The following UGT2B28 variants were observed in gnomAD, a reference collection of about 807,000 sequenced individuals.
UGT2B28 encodes UDP glucuronosyltransferase family 2 member B28.
UGT2B28 carries 45 observed loss-of-function variants against 43.6 expected under a neutral mutation model. The ratio of observed to expected loss-of-function variants is 1.03; its 90% CI spans 0.81 to 1.32. UGT2B28 has a LOEUF of 1.32. Ranked by LOEUF, UGT2B28 falls within the 40% of genes most tolerant of loss-of-function variation. The pLI is 0.00. For synonymous variants in UGT2B28, 204 were observed against 208.1 expected (o/e 0.98, Z 0.17); for missense variants, 649 against 625.5 (o/e 1.04, Z -0.40).
At position 69,285,177 on chromosome 4, in the gene UGT2B28, C is replaced by G. The variant is rs1312918954; in HGVS notation, c.871-1575C>G. ...GTATATACAATAAGATTGAAATTTT[C>G]TAAATAAGTGTCACATGTATACATT... On this transcript the variant is annotated intron_variant, in intron 2 of 5. Transcript: ENST00000335568. Among the ~76,000 whole-genome samples the G allele has an allele frequency of 1.4e-5, 2 of 138,892 alleles. 1 individual carries two copies. The highest frequency in any genetic ancestry group is 1.4e-4 in the Admixed American group (2 of 13,816). The allele number at this position is 138,892 out of a possible 152,430, so 91.1% of individuals were successfully genotyped here.
chr4:69,286,177 A>G (rs1462635485), intron 2 of UGT2B28, among the ~76,000 whole-genome samples: 1 of 141,446 alleles, frequency 7.1e-6, no homozygotes, highest in East Asian at 2.0e-4. Context: ...AAACTACTGG[A>G]AAACTCTGAC....
Position 69,281,039 on chromosome 4 carries a change from T to G in UGT2B28, c.539T>G (p.Ile180Ser). 6.4e-7 allele frequency: 1 copy of G among 1,559,384 alleles called. No homozygotes were observed. The highest frequency in any genetic ancestry group is 8.7e-7 in the Non-Finnish European group (1 of 1,155,302). Residue 180 changes from isoleucine to serine, a missense_variant, in exon 1 of 6, where the codon ATT (isoleucine) becomes AGT (serine). Transcript: ENST00000335568. ...CTCTGCTTCACTCCTGGCTACACAA[T>G]TGAAAGGCACAGTGGAGGACTGATT... The part of the protein sequence containing the change: ...YSLCFTPGYT[I>S]ERHSGGLIFP...
chr4:69,293,545 G>T lies in UGT2B28; in HGVS notation c.1311-985G>T, dbSNP rs1306419747. ...CTCCATCACAGTTTGGCCAATAAAA[G>T]CCTCTCTTAGAGGTAACACTTAGAG... On this transcript the variant is annotated intron_variant, in intron 5 of 5. Coordinates refer to ENST00000335568, the MANE Select transcript of UGT2B28 (RefSeq NM_053039.2). 2.9e-5 allele frequency among the ~76,000 whole-genome samples: 4 copies of T among 140,254 alleles called. 1 individual carries two copies. Among genetic ancestry groups the T allele is most frequent in the Non-Finnish European group, 6.1e-5 (4 of 65,826 alleles). 92.0% of individuals were successfully genotyped at this position (140,254 alleles called of 152,430 possible).
At position 69,280,693 on chromosome 4, in the gene UGT2B28, G is replaced by T; in HGVS notation, c.193G>T (p.Asp65Tyr). 6.4e-7 allele frequency: 1 copy of T among 1,560,424 alleles called. No homozygotes were observed. The stretch of plus-strand genomic sequence containing the variant: ...GGCATCTTCAGCTTCCATTCTTTTT[G>T]ATCCCAATGACGCATTCACTCTTAA... ...VLASSASILF[D>Y]PNDAFTLKLE... is the part of the protein sequence containing the mutation. Residue 65 changes from aspartate (D) to tyrosine (Y), a missense_variant, in exon 1 of 6, where the codon GAT (aspartate) becomes TAT (tyrosine). Asp to Tyr is a radical substitution (Grantham distance 160). Coordinates refer to ENST00000335568, the MANE Select transcript of UGT2B28 (RefSeq NM_053039.2).
chr4:69,289,005 G>A (rs1723862786), intron 3 of UGT2B28, among the ~76,000 whole-genome samples: 1 of 140,062 alleles, frequency 7.1e-6, no homozygotes, highest in Non-Finnish European at 1.5e-5. Context: ...GGTCATTTAG[G>A]TTGACTGCAT....
In UGT2B28 at chr4:69,288,890, G is replaced by A. The variant is rs1452946257; in HGVS notation, c.1003-775G>A. 5.7e-5 allele frequency among the ~76,000 whole-genome samples: 8 copies of A among 140,214 alleles called. 2 individuals carry two copies. The highest frequency in any genetic ancestry group is 5.7e-4 in the Admixed American group (8 of 14,024). 92.0% of individuals were successfully genotyped at this position (140,214 alleles called of 152,430 possible). A position where few individuals can be genotyped will look rare whatever the true frequency, so the allele number is the denominator to read the frequency against. ...AGTTTCCTAAGGCTAATGGCCTCCAGCTCCATCCTTATCCCTGCAAAATAC... is the reference window on the plus strand; with the variant it reads ...AGTTTCCTAAGGCTAATGGCCTCCAACTCCATCCTTATCCCTGCAAAATAC... On this transcript the variant is annotated intron_variant, in intron 3 of 5. Transcript: ENST00000335568.
Position 69,285,033 on chromosome 4 carries a change from C to T in UGT2B28, c.871-1719C>T, listed in dbSNP as rs533813834. 2.7e-4 allele frequency among the ~76,000 whole-genome samples: 38 copies of T among 139,486 alleles called. 5 individuals carry two copies. Among genetic ancestry groups the T allele is most frequent in the African/African-American group, 5.9e-4 (21 of 35,698 alleles). 91.5% of individuals were successfully genotyped at this position (139,486 alleles called of 152,430 possible). A position where few individuals can be genotyped will look rare whatever the true frequency, so the allele number is the denominator to read the frequency against. ...AGAATGATTAAAATTTATTTGCATA[C>T]GATAGCATTAAAATAATTTTATCAA... On this transcript the variant is annotated intron_variant, in intron 2 of 5. Transcript: ENST00000335568.
Position 69,294,649 on chromosome 4 carries a change from G to T in UGT2B28, c.1430G>T (p.Arg477Leu), listed in dbSNP as rs373902503. The change falls in exon 6 of 6, where the codon CGA becomes CTA. Residue 477 changes from arginine (R) to leucine (L), a missense_variant. Arg to Leu is a moderately radical substitution (Grantham distance 102). Transcript: ENST00000335568. ...VMCHKGAKHL[R>L]VAARDLTWFQ... The stretch of plus-strand genomic sequence containing the variant: ...TGCCACAAAGGAGCCAAACACCTTC[G>T]AGTTGCAGCCCGTGACCTCACCTGG... 9.0e-6 allele frequency: 14 copies of T among 1,559,782 alleles called. 3 individuals are homozygous for T. The South Asian group carries it at 1.7e-4, about 18-fold the overall frequency.
At chr4:69,294,008 C>T (rs1411311202) in intron 5 of UGT2B28, among the ~76,000 whole-genome samples, 2 of 140,586 alleles carry the variant, frequency 1.4e-5, no homozygotes, top group Admixed American at 7.1e-5. Flanking sequence ...TGATAATTCT[C>T]ACATCGCATT....
At position 69,281,062 on chromosome 4, in the gene UGT2B28, A is replaced by G. The variant is rs879922056; in HGVS notation, c.562A>G (p.Ile188Val). 7.1e-6 allele frequency: 11 copies of G among 1,559,338 alleles called. 2 individuals carry two copies. Among genetic ancestry groups the G allele is most frequent in the Non-Finnish European group, 9.5e-6 (11 of 1,155,346 alleles). Residue 188 changes from isoleucine (I) to valine (V), a missense_variant, in exon 1 of 6, where the codon ATT (isoleucine) becomes GTT (valine). Physicochemically the swap from Ile to Val is conservative, Grantham distance 29. Coordinates refer to ENST00000335568, the MANE Select transcript of UGT2B28 (RefSeq NM_053039.2). ...AATTGAAAGGCACAGTGGAGGACTGATTTTCCCTCCTTCCTACATACCTGT... is the reference window on the plus strand; with the variant it reads ...AATTGAAAGGCACAGTGGAGGACTGGTTTTCCCTCCTTCCTACATACCTGT... ...YTIERHSGGL[I>V]FPPSYIPVVM...
At chr4:69,291,616 T>C (rs867161308) in intron 5 of UGT2B28, among the ~76,000 whole-genome samples, 1 of 141,106 alleles carries the variant, frequency 7.1e-6, no homozygotes, top group Non-Finnish European at 1.5e-5. Flanking sequence ...AGTATGGATA[T>C]GTCATAATTT....
chr4:69,290,812 G>A lies in UGT2B28; in HGVS notation c.1310+1G>A, dbSNP rs759599479. On this transcript the variant is annotated splice_donor_variant, in intron 5 of 5. Coordinates refer to ENST00000335568, the MANE Select transcript of UGT2B28 (RefSeq NM_053039.2). LOFTEE classifies it high-confidence loss of function. The stretch of plus-strand genomic sequence containing the variant: ...TGAAGACAGTAATTAATGATCCTTC[G>A]TGAGTAGAACAGTATTTTTCACTAG... 60 of 1,558,356 alleles carry A rather than the reference G, an allele frequency of 3.9e-5. 7 individuals carry two copies. The highest frequency in any genetic ancestry group is 2.4e-4 in the South Asian group (20 of 84,172).
chr4:69,289,162 C>T (rs1723869248), intron 3 of UGT2B28, among the ~76,000 whole-genome samples: 1 of 139,410 alleles, frequency 7.2e-6, no homozygotes. Flanking sequence ...TGAGGAATGG[C>T]CACACTGTCT....
At position 69,281,693 on chromosome 4, in the gene UGT2B28, C is replaced by T. The variant is rs972071970; in HGVS notation, c.721+472C>T. Among the ~76,000 whole-genome samples the T allele has an allele frequency of 2.9e-5, 4 of 140,110 alleles. 1 individual carries two copies. The highest frequency in any genetic ancestry group is 1.1e-4 in the African/African-American group (4 of 35,922). The allele number at this position is 140,110 out of a possible 152,430, so 91.9% of individuals were successfully genotyped here. On this transcript the variant is annotated intron_variant, in intron 1 of 5. Coordinates refer to ENST00000335568, the MANE Select transcript of UGT2B28 (RefSeq NM_053039.2). ...TCCCATGTTTCCAGAAGGTTTCCTT[C>T]ACAGTAGAGAGAGATAATGTCCACA...
At chr4:69,283,714 C>T (rs1406898212) in intron 2 of UGT2B28, among the ~76,000 whole-genome samples, 2 of 140,040 alleles carry the variant, frequency 1.4e-5, no homozygotes, top group Non-Finnish European at 3.1e-5. Flanking sequence ...TTATTATTAC[C>T]AATACTACTA....
rs1453116955 is a variant in UGT2B28, at chr4:69,290,022, G to C, written c.1090+270G>C. On this transcript the variant is annotated intron_variant, in intron 4 of 5. Transcript: ENST00000335568. ...GAATTTTTCAGTATCTTCCTGGGCT[G>C]TCTCTCCGTCTCCTGTTTCTACAAC... Among the ~76,000 whole-genome samples, 2 of 140,068 alleles carry C rather than the reference G, an allele frequency of 1.4e-5. 1 individual carries two copies. The highest frequency in any genetic ancestry group is 3.0e-5 in the Non-Finnish European group (2 of 65,642). 91.9% of individuals were successfully genotyped at this position (140,068 alleles called of 152,430 possible).
rs1724027206 is a variant in UGT2B28 at position 69,293,946 on chromosome 4, C to T, written c.1311-584C>T. ...AGTAATGTAAAAGCAAAGTGACAAG[C>T]CATGAGGTATGTCACTCGCCATGAT... On this transcript the variant is annotated intron_variant, in intron 5 of 5. Transcript: ENST00000335568. 2.9e-5 allele frequency among the ~76,000 whole-genome samples: 4 copies of T among 139,996 alleles called. 2 individuals are homozygous for T. Among genetic ancestry groups the T allele is most frequent in the Non-Finnish European group, 6.1e-5 (4 of 65,668 alleles). The allele number at this position is 139,996 out of a possible 152,430, so 91.8% of individuals were successfully genotyped here.
Position 69,290,694 on chromosome 4 carries a change from A to T in UGT2B28, c.1193A>T (p.Asp398Val). ...ATGGTAGGCATTCCATTGTTTTGGGATCAACCTGATAACATTGCTCACATG... is the reference window on the plus strand; with the variant it reads ...ATGGTAGGCATTCCATTGTTTTGGGTTCAACCTGATAACATTGCTCACATG... ...IPMVGIPLFWDQPDNIAHMKA... is the reference protein window; with the variant it reads ...IPMVGIPLFWVQPDNIAHMKA... The change falls in exon 5 of 6, where the codon GAT becomes GTT. Residue 398 changes from aspartate to valine, a missense_variant. Coordinates refer to ENST00000335568, the MANE Select transcript of UGT2B28 (RefSeq NM_053039.2). 2.6e-6 allele frequency: 4 copies of T among 1,559,460 alleles called. 1 individual carries two copies. Among genetic ancestry groups the T allele is most frequent in the Non-Finnish European group, 3.5e-6 (4 of 1,155,176 alleles).
At position 69,286,840 on chromosome 4, in the gene UGT2B28, G is replaced by A; in HGVS notation, c.959G>A (p.Arg320Lys). The change falls in exon 3 of 6, where the codon AGG becomes AAG. Residue 320 changes from arginine to lysine, a missense_variant. Coordinates refer to ENST00000335568, the MANE Select transcript of UGT2B28 (RefSeq NM_053039.2). ...GTGATAAGTAACATGACAGCAGAAA[G>A]GGCCAACGTAATTGCAACAGCCCTT... ...GSVISNMTAE[R>K]ANVIATALAK... The A allele has an allele frequency of 1.3e-6, 2 of 1,556,486 alleles. No individual in the cohort carries two copies. Among genetic ancestry groups the A allele is most frequent in the Non-Finnish European group, 1.7e-6 (2 of 1,154,346 alleles).
Sources: gnomAD v4.1 joint callset for allele counts (sites outside exome capture counted in the v4.1 genomes callset) on GRCh38, gnomAD v4.1.1 for gene constraint, MANE v1.5 for transcripts, NCBI Gene and HGNC (gene_info 2026-07-23, HGNC 2026-07-21) for gene names.